Variants in ZNF638 observed in about 807,000 individuals in gnomAD.
ZNF638 encodes the protein zinc finger protein 638.
Under a neutral mutation model 195.6 loss-of-function variants are expected in ZNF638, and 46 were observed. The ratio of observed to expected loss-of-function variants is 0.24; its 90% confidence interval spans 0.19 to 0.30. The LOEUF is 0.30. Ranked by LOEUF, ZNF638 falls within the 10% of genes least tolerant of loss-of-function variation. ZNF638 has a pLI of 1.00. For synonymous variants in ZNF638, 845 were observed against 772.0 expected (o/e 1.09, Z -1.57); for missense variants, 2,440 against 2,325.3 (o/e 1.05, Z -1.01).
At chr2:71,380,695 C>A in intron 10 of ZNF638, 130 bp downstream of exon 10, 2 of 618,478 alleles carry the variant, frequency 3.2e-6, no homozygotes, top group Non-Finnish European at 5.4e-6. Context: ...CTTTAATTGG[C>A]CCCTGTATTA....
Position 71,428,558 on chromosome 2 carries a change from A to T in ZNF638, c.5557A>T (p.Thr1853Ser). 1.9e-6 allele frequency: 3 copies of T among 1,613,714 alleles called. No homozygotes were observed. Among genetic ancestry groups the T allele is most frequent in the Non-Finnish European group, 2.5e-6 (3 of 1,179,862 alleles). Residue 1853 changes from threonine to serine, a missense_variant, in exon 25 of 28, where the codon ACC becomes TCC. Transcript: ENST00000264447. ...IERHLTAKTP[T>S]KRVRIGKTLP... ...CTTTCTTTTTAAAGCTAAAACTCCAACCAAGAGAGTTAGAATTGGGAAAAC... is the reference window on the plus strand; with the variant it reads ...CTTTCTTTTTAAAGCTAAAACTCCATCCAAGAGAGTTAGAATTGGGAAAAC...
intron 20 of ZNF638, among the ~76,000 whole-genome samples, chr2:71,410,887 T>C (rs2080200920): frequency 1.3e-5 from 2 of 151,592 alleles, no homozygotes; most frequent in Admixed American, 1.3e-4. Flanking sequence ...AGAGGGTTGG[T>C]ATTGCTAGTC....
In ZNF638 at chr2:71,408,298, A is replaced by G. The variant is rs180887493; in HGVS notation, c.3261+51A>G. The G allele has an allele frequency of 1.1e-5, 17 of 1,579,714 alleles. No individual in the cohort carries two copies. The African/African-American group carries it at 1.8e-4, about 16-fold the overall frequency. Reference sequence around the variant, plus strand: ...TGTGATTTTAGAAAATACAGAGAACATAAAGGTCATTCTCAGGTAGTAGTC... The same window carrying G: ...TGTGATTTTAGAAAATACAGAGAACGTAAAGGTCATTCTCAGGTAGTAGTC... On this transcript the variant is annotated intron_variant, in intron 20 of 27. Transcript: ENST00000264447.
Position 71,365,623 on chromosome 2 carries a change from C to G in ZNF638, c.1912C>G (p.Arg638Gly). 6.2e-7 allele frequency: 1 copy of G among 1,614,074 alleles called. No individual in the cohort carries two copies. The highest frequency in any genetic ancestry group is 8.5e-7 in the Non-Finnish European group (1 of 1,179,970). The change falls in exon 6 of 28, where the codon CGT becomes GGT. Residue 638 changes from arginine (R) to glycine (G), a missense_variant. Physicochemically the swap from Arg to Gly is moderately radical, Grantham distance 125. Coordinates refer to ENST00000264447, the MANE Select transcript of ZNF638 (RefSeq NM_014497.5). ...SDSNLGGHSI[R>G]CKSKNLEDDT... ...TTCAAATCTAGGAGGACATTCTATTCGTTGTAAATCAAAGAATCTTGAAGA... is the reference window on the plus strand; with the variant it reads ...TTCAAATCTAGGAGGACATTCTATTGGTTGTAAATCAAAGAATCTTGAAGA...
At chr2:71,393,983 G>A (rs774733227) in intron 10 of ZNF638, among the ~76,000 whole-genome samples, 24 of 152,162 alleles carry the variant, frequency 1.6e-4, no homozygotes, top group Non-Finnish European at 3.1e-4. Flanking sequence ...ACATTCTTGT[G>A]CCAGTAGCCT....
chr2:71,406,339 C>T (rs1276795235), intron 19 of ZNF638, 77 bp downstream of exon 19: 1 of 1,303,432 alleles, frequency 7.7e-7, no homozygotes, highest in Non-Finnish European at 1.1e-6. Context: ...CAATCTGCAA[C>T]TTCTGATCTG....
intron 5 of ZNF638, 80 bp from the exon 6 acceptor site, chr2:71,365,349 A>G (rs564580670): frequency 5.2e-6 from 6 of 1,162,880 alleles, no homozygotes; most frequent in Middle Eastern, 2.5e-4. Context: ...GCTTGAGAAT[A>G]GCACTATGTG....
At chr2:71,420,554 G>T (rs2080410023) in intron 21 of ZNF638, among the ~76,000 whole-genome samples, 1 of 152,150 alleles carries the variant, frequency 6.6e-6, no homozygotes, top group Non-Finnish European at 1.5e-5. Context: ...CTAATGCCCA[G>T]CTTTTATTGT....
chr2:71,336,674 C>A (rs927749405), intron 1 of ZNF638, among the ~76,000 whole-genome samples: 4 of 152,114 alleles, frequency 2.6e-5, no homozygotes, highest in Non-Finnish European at 5.9e-5. Context: ...ATGAAACAGG[C>A]TTGGATTAAC....
chr2:71,363,862 GTC>G, intron 4 of ZNF638, 90 bp from the exon 5 acceptor site: 1 of 1,417,032 alleles, frequency 7.1e-7, no homozygotes, highest in Non-Finnish European at 9.4e-7. Flanking sequence ...ATTGTTAACA[GTC>G]TGTTTTTAAC....
intron 15 of ZNF638, 86 bp from the exon 16 acceptor site, chr2:71,401,870 C>T (rs2080013609): frequency 1.7e-6 from 2 of 1,171,868 alleles, no homozygotes; most frequent in Non-Finnish European, 2.3e-6. Flanking sequence ...CAACAATATA[C>T]TAATATAACA....
At chr2:71,396,228 A>G in intron 11 of ZNF638, 37 bp downstream of exon 11, 1 of 1,560,030 alleles carries the variant, frequency 6.4e-7, no homozygotes, top group South Asian at 1.1e-5. Context: ...ACTATTAGTT[A>G]AAACTTTAAT....
chr2:71,371,545 CG>C (rs1316710835), intron 8 of ZNF638, among the ~76,000 whole-genome samples: 1 of 152,074 alleles, frequency 6.6e-6, no homozygotes, highest in African/African-American at 2.4e-5. Flanking sequence ...CCATTTTAAC[CG>C]GGGTAAGATG....
At chr2:71,383,043 C>T (rs1475668192) in intron 10 of ZNF638, among the ~76,000 whole-genome samples, 2 of 152,162 alleles carry the variant, frequency 1.3e-5, no homozygotes, top group Non-Finnish European at 2.9e-5. Context: ...TAATGTTTGG[C>T]TGGGTGCGAT....
chr2:71,355,621 A>G, intron 2 of ZNF638, 98 bp from the exon 3 acceptor site: 1 of 918,322 alleles, frequency 1.1e-6, no homozygotes. Flanking sequence ...CGTTTGTTTA[A>G]TTTTTGAACA....
At chr2:71,432,602 T>TTC (rs1342069028) in intron 26 of ZNF638, among the ~76,000 whole-genome samples, 1 of 152,238 alleles carries the variant, frequency 6.6e-6, no homozygotes, top group Non-Finnish European at 1.5e-5. Flanking sequence ...TGGGAATCTA[T>TTC]TCAACTTGGC....
At position 71,395,120 on chromosome 2, in the gene ZNF638, T is replaced by C. The variant is rs796114091; in HGVS notation, c.2378-1021T>C. Reference sequence around the variant, plus strand: ...AATCCCTAAACGCCATAGATCTACATGTCCAACAAACAGTTATATGGAAGG... The same window carrying C: ...AATCCCTAAACGCCATAGATCTACACGTCCAACAAACAGTTATATGGAAGG... On this transcript the variant is annotated intron_variant, in intron 10 of 27. Transcript: ENST00000264447. 4 of 645,852 alleles carry C rather than the reference T, an allele frequency of 6.2e-6. No homozygotes were observed. In the South Asian group the frequency reaches 7.1e-5, roughly 11 times the overall value. The allele number at this position is 645,852 out of a possible 1,614,324, so 40.0% of individuals were successfully genotyped here.
At chr2:71,392,079 G>A (rs1375279284) in intron 10 of ZNF638, among the ~76,000 whole-genome samples, 1 of 152,208 alleles carries the variant, frequency 6.6e-6, no homozygotes, top group Non-Finnish European at 1.5e-5. Context: ...GATGCAATCT[G>A]TGGCTGGGTT....
At chr2:71,405,398 GAATTA>G (rs1159143507) in intron 17 of ZNF638, among the ~76,000 whole-genome samples, 198 bp from the exon 18 acceptor site, 1 of 152,176 alleles carries the variant, frequency 6.6e-6, no homozygotes, top group Admixed American at 6.5e-5. Flanking sequence ...GGAATAAGAA[GAATTA>G]AATTGTATGG....
Sources: gnomAD v4.1 joint callset for allele counts (sites outside exome capture counted in the v4.1 genomes callset) on GRCh38, gnomAD v4.1.1 for gene constraint, MANE v1.5 for transcripts, NCBI Gene and HGNC (gene_info 2026-07-23, HGNC 2026-07-21) for gene names.